CDK14: variants seen among roughly 807,000 people sequenced by gnomAD.
The protein encoded by CDK14 is cyclin dependent kinase 14, also known as cyclin-dependent kinase 14.
Under a neutral mutation model 60.7 loss-of-function variants are expected in CDK14, and 34 were observed. That is an observed-to-expected ratio of 0.56 (90% CI 0.43 to 0.75). The LOEUF is 0.75. Among genes scored for constraint, CDK14 ranks in the 30% least tolerant of loss-of-function variants. CDK14 has a pLI of 0.00. For missense variants in CDK14, 482 were observed against 564.1 expected, an observed-to-expected ratio of 0.85 and a Z score of 1.47; for synonymous variants, 197 against 203.7, an observed-to-expected ratio of 0.97 and a Z score of 0.28.
At chr7:91,062,941 G>GAAT (rs1293125746) in intron 11 of CDK14, among the ~76,000 whole-genome samples, 2 of 152,160 alleles carry the variant, frequency 1.3e-5, no homozygotes, top group East Asian at 3.8e-4. Flanking sequence ...AACTATGGAA[G>GAAT]AATGTCCTTC....
At chr7:90,939,247 AG>A (rs1206639572) in intron 8 of CDK14, among the ~76,000 whole-genome samples, 1 of 152,244 alleles carries the variant, frequency 6.6e-6, no homozygotes, top group Admixed American at 6.5e-5. Context: ...TGGACTGACA[AG>A]ATGGGAATAT....
At position 90,747,530 on chromosome 7, in the gene CDK14, A is replaced by G. The variant is rs1406721584; in HGVS notation, c.370-151A>G. The G allele has an allele frequency of 7.1e-6, 4 of 561,862 alleles. No homozygotes were observed. The East Asian group carries it at 1.4e-4, about 20-fold the overall frequency. The allele number at this position is 561,862 out of a possible 1,614,324, so 34.8% of individuals were successfully genotyped here. A position where few individuals can be genotyped will look rare whatever the true frequency, so the allele number is the denominator to read the frequency against. On this transcript the variant is annotated intron_variant, in intron 3 of 14. Coordinates refer to ENST00000380050, the MANE Select transcript of CDK14 (RefSeq NM_001287135.2). ...TTTTTTTTAGTTTTGTATCCTGTTT[A>G]TTATGTTGTTTTGAAAAATAAACAT...
intron 2 of CDK14, among the ~76,000 whole-genome samples, chr7:90,669,971 G>A (rs1428264346): frequency 6.6e-6 from 1 of 152,180 alleles, no homozygotes; most frequent in Non-Finnish European, 1.5e-5. Context: ...CTGATTTGGG[G>A]TTGGAAGATA....
At position 91,135,268 on chromosome 7, in the gene CDK14, A is replaced by G. The variant is rs1408231418; in HGVS notation, c.*28+17060A>G. On this transcript the variant is annotated intron_variant, in intron 14 of 14. Coordinates refer to ENST00000380050, the MANE Select transcript of CDK14 (RefSeq NM_001287135.2). The stretch of plus-strand genomic sequence containing the variant: ...AGGAAGACTGCTGAGGGAAAAAAAA[A>G]GATTTAAATGAGAACTAGAATGAAT... Among the ~76,000 whole-genome samples the G allele has an allele frequency of 2.6e-5, 4 of 152,156 alleles. No individual in the cohort carries two copies. In the East Asian group the frequency reaches 7.7e-4, roughly 29 times the overall value.
chr7:91,167,464 A>G (rs1390536271), intron 14 of CDK14, among the ~76,000 whole-genome samples: 1 of 152,214 alleles, frequency 6.6e-6, no homozygotes, highest in East Asian at 1.9e-4. Flanking sequence ...AGTGCTTTGG[A>G]CATGGCAGCC....
At chr7:90,860,932 A>C (rs972818139) in intron 5 of CDK14, among the ~76,000 whole-genome samples, 3 of 152,158 alleles carry the variant, frequency 2.0e-5, no homozygotes, top group Non-Finnish European at 2.9e-5. Context: ...AATTGCTAGC[A>C]TTAGCAGCTG....
intron 5 of CDK14, among the ~76,000 whole-genome samples, chr7:90,837,960 A>G (rs1156779656): frequency 1.3e-5 from 2 of 152,098 alleles, no homozygotes; most frequent in African/African-American, 4.8e-5. Context: ...TGTTGTTTGG[A>G]AAAACATATG....
intron 6 of CDK14, among the ~76,000 whole-genome samples, chr7:90,893,695 C>T (rs1792209273): frequency 6.6e-6 from 1 of 152,116 alleles, no homozygotes; most frequent in East Asian, 1.9e-4. Context: ...CAGTCCTAGG[C>T]ACAATACTAT....
rs73708230 is a variant in CDK14, at chr7:91,037,721, A to G, written c.1042-8176A>G. On this transcript the variant is annotated intron_variant, in intron 10 of 14. Transcript: ENST00000380050. ...AACCTGATATTGCACACATGATATCAATAAAGGATAGCTTATTTTCTTGAT... is the reference window on the plus strand; with the variant it reads ...AACCTGATATTGCACACATGATATCGATAAAGGATAGCTTATTTTCTTGAT... 2.7e-3 allele frequency among the ~76,000 whole-genome samples: 414 copies of G among 152,310 alleles called. 4 individuals carry two copies. Among genetic ancestry groups the G allele is most frequent in the African/African-American group, 9.3e-3 (385 of 41,562 alleles).
rs1562817550 is a variant in CDK14 at position 90,895,364 on chromosome 7, T to TCCTCCCCTCCCCTCCCCTCC, written c.640-3913_640-3912insCCCTCCCCTCCCCTCCCCTC. 5.4e-4 allele frequency among the ~76,000 whole-genome samples: 4 copies of TCCTCCCCTCCCCTCCCCTCC among 7,468 alleles called. 1 individual carries two copies. Among genetic ancestry groups the TCCTCCCCTCCCCTCCCCTCC allele is most frequent in the African/African-American group, 1.3e-3 (3 of 2,368 alleles). The allele number at this position is 7,468 out of a possible 152,430, so 4.9% of individuals were successfully genotyped here. A position where few individuals can be genotyped will look rare whatever the true frequency, so the allele number is the denominator to read the frequency against. On this transcript the variant is annotated intron_variant, in intron 6 of 14. Transcript: ENST00000380050. The stretch of plus-strand genomic sequence containing the variant: ...TCCTCTCCTCTCCTCTCCTCACCTC[T>TCCTCCCCTCCCCTCCCCTCC]CCTCCCCTCCCCTCTCCTCTCCTCT...
At chr7:91,082,383 G>A (rs569294927) in intron 12 of CDK14, among the ~76,000 whole-genome samples, 8 of 152,336 alleles carry the variant, frequency 5.3e-5, no homozygotes, top group Admixed American at 3.3e-4. Context: ...CAAGAAGCAC[G>A]TCTACAGACT....
chr7:90,647,601 T>C (rs916171687), intron 2 of CDK14, among the ~76,000 whole-genome samples: 33 of 152,104 alleles, frequency 2.2e-4, no homozygotes, highest in African/African-American at 8.0e-4. Context: ...GGGCAACTAA[T>C]TCCTCTTTTG....
At chr7:91,025,162 A>G (rs1796537392) in intron 10 of CDK14, among the ~76,000 whole-genome samples, 1 of 152,150 alleles carries the variant, frequency 6.6e-6, no homozygotes, top group Non-Finnish European at 1.5e-5. Context: ...TTTTCATGGC[A>G]TACATTAATA....
chr7:90,756,099 A>G (rs1562754876), intron 4 of CDK14, among the ~76,000 whole-genome samples: 1 of 152,206 alleles, frequency 6.6e-6, no homozygotes, highest in Non-Finnish European at 1.5e-5. Context: ...TGAAGCTATC[A>G]TTTTCCTAAT....
intron 14 of CDK14, among the ~76,000 whole-genome samples, chr7:91,123,319 A>G (rs1011784534): frequency 6.6e-6 from 1 of 151,050 alleles, no homozygotes; most frequent in Non-Finnish European, 1.5e-5. Context: ...TTATCCTACA[A>G]TTTTTTTTTC....
chr7:90,624,853 C>T (rs1207325988), intron 2 of CDK14, among the ~76,000 whole-genome samples: 1 of 152,126 alleles, frequency 6.6e-6, no homozygotes, highest in Non-Finnish European at 1.5e-5. Flanking sequence ...ATGCTGGAAC[C>T]AGCTGCTTGG....
chr7:90,857,421 A>T (rs1346100034), intron 5 of CDK14, among the ~76,000 whole-genome samples: 1 of 152,140 alleles, frequency 6.6e-6, no homozygotes, highest in South Asian at 2.1e-4. Flanking sequence ...CTGTTTTTGT[A>T]TAGTTTTGAC....
At chr7:90,958,690 T>C (rs1321739082) in intron 9 of CDK14, among the ~76,000 whole-genome samples, 1 of 152,188 alleles carries the variant, frequency 6.6e-6, no homozygotes, top group Non-Finnish European at 1.5e-5. Context: ...TCCTGACTTA[T>C]AGTTGGCTCT....
rs147688611 is a variant in CDK14, at chr7:91,142,846, T to C, written c.*28+24638T>C. 6.4e-3 allele frequency among the ~76,000 whole-genome samples: 981 copies of C among 152,274 alleles called. 11 individuals carry two copies. Among genetic ancestry groups the C allele is most frequent in the African/African-American group, 0.022 (909 of 41,552 alleles). On this transcript the variant is annotated intron_variant, in intron 14 of 14. Coordinates refer to ENST00000380050, the MANE Select transcript of CDK14 (RefSeq NM_001287135.2). The stretch of plus-strand genomic sequence containing the variant: ...TCTCCTTGAAAATAAGTGACCCAAC[T>C]GATTGAGAATGAGATGACAAATTAG...
Sources: allele counts gnomAD v4.1 joint callset (sites outside exome capture counted in the v4.1 genomes callset), GRCh38; gene constraint gnomAD v4.1.1; transcripts MANE v1.5; gene names NCBI Gene and HGNC (gene_info 2026-07-23, HGNC 2026-07-21).